Variants in SDK1 observed in about 807,000 individuals in gnomAD.
SDK1 encodes sidekick cell adhesion molecule 1.
In SDK1, 157 loss-of-function variants were observed where a neutral mutation model predicts 245.5. The ratio of observed to expected loss-of-function variants is 0.64; its 90% confidence interval spans 0.56 to 0.73. SDK1 has a LOEUF of 0.73. Ranked by LOEUF, SDK1 falls within the 30% of genes least tolerant of loss-of-function variation. The pLI, the probability that SDK1 is intolerant of heterozygous loss-of-function variation, is 0.00. For synonymous variants in SDK1, 1,647 were observed against 1,278.5 expected (o/e 1.29, Z -6.15); for missense variants, 3,583 against 3,002.3 (o/e 1.19, Z -4.52).
At chr7:3,876,235 A>G (rs1781073836) in intron 5 of SDK1, among the ~76,000 whole-genome samples, 1 of 152,190 alleles carries the variant, frequency 6.6e-6, no homozygotes, top group Non-Finnish European at 1.5e-5. Context: ...CATCCTGGCA[A>G]CTTTGTTCAA....
chr7:4,073,586 A>C (rs528359137), intron 20 of SDK1, among the ~76,000 whole-genome samples: 1 of 152,374 alleles, frequency 6.6e-6, no homozygotes, highest in Non-Finnish European at 1.5e-5. Context: ...TTTCTGGCAG[A>C]CAAGTTGTAA....
intron 17 of SDK1, among the ~76,000 whole-genome samples, chr7:4,028,717 C>G (rs925497089): frequency 2.0e-5 from 3 of 152,234 alleles, no homozygotes; most frequent in Admixed American, 6.5e-5. Context: ...GACTTCCAGT[C>G]AAGTATCCCT....
Position 3,780,381 on chromosome 7 carries a change from G to A in SDK1, c.714-41069G>A, listed in dbSNP as rs183432536. The stretch of plus-strand genomic sequence containing the variant: ...AAACAGCATGGCCACAGTGCCTAGG[G>A]TCAGGTAGAAACAAAGAAAGGAGGC... On this transcript the variant is annotated intron_variant, in intron 4 of 44. Transcript: ENST00000404826. Among the ~76,000 whole-genome samples the A allele has an allele frequency of 3.9e-5, 6 of 152,328 alleles. No homozygotes were observed. In the East Asian group the frequency reaches 9.6e-4, roughly 24 times the overall value.
chr7:3,437,937 A>G (rs1459163520), intron 1 of SDK1, among the ~76,000 whole-genome samples: 3 of 152,194 alleles, frequency 2.0e-5, no homozygotes, highest in South Asian at 2.1e-4. Context: ...TACTCCCCCT[A>G]CGTTTGTGTA....
chr7:3,583,179 G>C (rs972207882), intron 1 of SDK1, among the ~76,000 whole-genome samples: 1 of 152,190 alleles, frequency 6.6e-6, no homozygotes, highest in Non-Finnish European at 1.5e-5. Flanking sequence ...GCTCGACCTT[G>C]TTTACAGCTC....
At chr7:3,646,801 A>G (rs1271417291) in intron 4 of SDK1, among the ~76,000 whole-genome samples, 1 of 152,198 alleles carries the variant, frequency 6.6e-6, no homozygotes, top group East Asian at 1.9e-4. Context: ...TTTTGAAAGT[A>G]GAGACAATCT....
chr7:3,396,995 G>T (rs534811868), intron 1 of SDK1, among the ~76,000 whole-genome samples: 21 of 151,418 alleles, frequency 1.4e-4, no homozygotes, highest in Non-Finnish European at 2.8e-4. Context: ...CATCATTCTT[G>T]TTGTTTCTTT....
intron 19 of SDK1, among the ~76,000 whole-genome samples, chr7:4,058,913 A>AAT (rs1779368387): frequency 6.6e-6 from 1 of 152,216 alleles, no homozygotes; most frequent in South Asian, 2.1e-4. Flanking sequence ...CAAACGTATA[A>AAT]AACCCATTGG....
intron 7 of SDK1, chr7:3,958,066 C>G (rs1249158918): frequency 4.3e-6 from 2 of 468,234 alleles, no homozygotes; most frequent in East Asian, 1.4e-4. Context: ...AAGATACAGT[C>G]AATATAGGAG....
At chr7:3,596,840 C>A (rs1428744595) in intron 1 of SDK1, among the ~76,000 whole-genome samples, 1 of 152,054 alleles carries the variant, frequency 6.6e-6, no homozygotes, top group Non-Finnish European at 1.5e-5. Flanking sequence ...CACTTATGAA[C>A]AGAAAAAGGA....
intron 5 of SDK1, among the ~76,000 whole-genome samples, chr7:3,876,276 C>T (rs567112315): frequency 6.6e-6 from 1 of 152,166 alleles, no homozygotes; most frequent in Non-Finnish European, 1.5e-5. Context: ...GCTTTTTGGG[C>T]AGCATTTTCC....
At chr7:4,238,897 G>A (rs56250749) in intron 42 of SDK1, among the ~76,000 whole-genome samples, 28,915 of 152,002 alleles carry the variant, frequency 0.19, 3,175 homozygotes, top group Non-Finnish European at 0.25. Flanking sequence ...TAAACAGGTG[G>A]CATATTGTAC....
intron 4 of SDK1, among the ~76,000 whole-genome samples, chr7:3,767,589 C>T (rs1297695050): frequency 6.6e-6 from 1 of 152,122 alleles, no homozygotes; most frequent in African/African-American, 2.4e-5. Context: ...TTTACATGTG[C>T]CAGCTCATTC....
chr7:3,804,164 TC>T (rs1779181769), intron 4 of SDK1, among the ~76,000 whole-genome samples: 1 of 152,206 alleles, frequency 6.6e-6, no homozygotes, highest in Non-Finnish European at 1.5e-5. Context: ...GCTTTTGCTG[TC>T]ATATCTAAGA....
chr7:3,962,883 C>T, intron 9 of SDK1, 32 bp downstream of exon 9: 2 of 1,553,002 alleles, frequency 1.3e-6, no homozygotes, highest in Non-Finnish European at 1.8e-6. Context: ...GCTACCTGAC[C>T]TGGACGTATC....
intron 1 of SDK1, among the ~76,000 whole-genome samples, chr7:3,451,381 C>T (rs149990932): frequency 4.6e-5 from 7 of 151,964 alleles, no homozygotes; most frequent in African/African-American, 1.7e-4. Context: ...GGGAAGAATG[C>T]GAATAGCTGC....
At chr7:4,166,388 G>T (rs590924) in intron 32 of SDK1, among the ~76,000 whole-genome samples, 41,006 of 152,052 alleles carry the variant, frequency 0.27, 7,035 homozygotes, top group African/African-American at 0.49. Context: ...TTAAGGCATT[G>T]ATAGGAAGAC....
At chr7:3,736,963 ACT>A (rs905904518) in intron 4 of SDK1, among the ~76,000 whole-genome samples, 2 of 152,014 alleles carry the variant, frequency 1.3e-5, no homozygotes, top group African/African-American at 4.8e-5. Flanking sequence ...CCAGCATTCT[ACT>A]CTCTGTTTCT....
intron 1 of SDK1, among the ~76,000 whole-genome samples, chr7:3,320,376 C>T (rs1779773203): frequency 6.6e-6 from 1 of 151,554 alleles, no homozygotes. Flanking sequence ...TTTTTATATT[C>T]TATGGAGTAA....
Sources: gnomAD v4.1 joint callset for allele counts (sites outside exome capture counted in the v4.1 genomes callset) on GRCh38, gnomAD v4.1.1 for gene constraint, MANE v1.5 for transcripts, NCBI Gene and HGNC (gene_info 2026-07-23, HGNC 2026-07-21) for gene names.